The following ADH1C variants were observed in gnomAD, a reference collection of about 807,000 sequenced individuals.
ADH1C encodes alcohol dehydrogenase 1C.
In ADH1C, 26 loss-of-function variants were observed where a neutral mutation model predicts 35.0. That is an observed-to-expected ratio of 0.74 (90% CI 0.54 to 1.03). ADH1C has a LOEUF of 1.03. ADH1C is among the 50% of genes least tolerant of loss of function. ADH1C has a pLI of 0.00. For missense variants in ADH1C, 413 were observed against 465.4 expected (o/e 0.89, Z 1.04); for synonymous variants, 170 against 169.3 (o/e 1.00, Z -0.03).
chr4:99,346,222 T>A (rs1474492961), intron 3 of ADH1C, among the ~76,000 whole-genome samples: 1 of 152,168 alleles, frequency 6.6e-6, no homozygotes, highest in African/African-American at 2.4e-5. Context: ...GTGCATAACA[T>A]TTTATGGGTA....
intron 1 of ADH1C, among the ~76,000 whole-genome samples, chr4:99,348,140 T>C (rs1304626678): frequency 6.6e-6 from 1 of 152,168 alleles, no homozygotes; most frequent in Non-Finnish European, 1.5e-5. Context: ...GTTTTTTTAA[T>C]TATACTTTAA....
chr4:99,347,927 G>GGGACTCAATGTTGCATGTA, intron 1 of ADH1C, 81 bp from the exon 2 acceptor site: 1 of 1,491,854 alleles, frequency 6.7e-7, no homozygotes, highest in Non-Finnish European at 9.3e-7. Flanking sequence ...CTTTGTACAT[G>GGGACTCAATGTTGCATGTA]CAACATTGAG....
At chr4:99,346,271 T>C (rs1212273156) in intron 3 of ADH1C, among the ~76,000 whole-genome samples, 1 of 152,116 alleles carries the variant, frequency 6.6e-6, no homozygotes, top group Admixed American at 6.5e-5. Flanking sequence ...ATGTCCTAGT[T>C]ATTCATCCTT....
At position 99,343,021 on chromosome 4, in the gene ADH1C, A is replaced by G; in HGVS notation, c.602T>C (p.Leu201Pro). The change falls in exon 6 of 9, where the codon CTG becomes CCG. Residue 201 changes from leucine to proline, a missense_variant. Physicochemically the swap from Leu to Pro is moderately conservative, Grantham distance 98. Transcript: ENST00000515683. ...TPGSTCAVFG[L>P]GGVGLSVVMG... is the part of the protein sequence containing the mutation. ...AACAACAGATAGGCCGACCCCTCCCAGGCCAAACACAGCACAGGTAGACCC... is the reference window on the plus strand; with the variant it reads ...AACAACAGATAGGCCGACCCCTCCCGGGCCAAACACAGCACAGGTAGACCC... 2 of 1,614,218 alleles carry G rather than the reference A, an allele frequency of 1.2e-6. No homozygotes were observed. The highest frequency in any genetic ancestry group is 1.7e-6 in the Non-Finnish European group (2 of 1,180,040).
At position 99,342,924 on chromosome 4, in the gene ADH1C, A is replaced by G. The variant is rs75301428; in HGVS notation, c.699T>C (p.Ala233=). 1.7e-5 allele frequency: 27 copies of G among 1,614,018 alleles called. No homozygotes were observed. The highest frequency in any genetic ancestry group is 1.9e-5 in the Non-Finnish European group (22 of 1,180,036). Residue 233 remains alanine, a synonymous_variant, in exon 6 of 9, where the codon GCT becomes GCC. Transcript: ENST00000515683. ...TGCATTCAGTGGCACCCAACTCTTT[A>G]GCCTTTGCAAATTTGTCCTTGTTGA... ...VDINKDKFAK[A]KELGATECIN...
At chr4:99,339,532 T>G in intron 8 of ADH1C, 45 bp downstream of exon 8, 865 of 934,074 alleles carry the variant, frequency 9.3e-4, no homozygotes, top group Non-Finnish European at 1.2e-3. Context: ...CCCCCGCCGC[T>G]ACTGTAGAAT....
At chr4:99,352,632 T>C (rs758402280) in intron 1 of ADH1C, 26 bp downstream of exon 1, 8 of 1,572,476 alleles carry the variant, frequency 5.1e-6, no homozygotes, top group Non-Finnish European at 7.0e-6. Flanking sequence ...GAATATATTA[T>C]CAACAGTAAT....
Position 99,351,605 on chromosome 4 carries a change from GAAAGT to G in ADH1C, c.18+1048_18+1052del, listed in dbSNP as rs558316151. Among the ~76,000 whole-genome samples, 483 of 152,262 alleles carry G rather than the reference GAAAGT, an allele frequency of 3.2e-3. 3 individuals are homozygous for G. Among genetic ancestry groups the G allele is most frequent in the African/African-American group, 0.011 (453 of 41,556 alleles). ...ATGTAAATATTAATCAATAATGAAT[GAAAGT>G]AAAGTAAAGTGAAGTGGTGTAAGAA... is the stretch of plus-strand genomic sequence containing the variant. On this transcript the variant is annotated intron_variant, in intron 1 of 8. Transcript: ENST00000515683.
intron 5 of ADH1C, among the ~76,000 whole-genome samples, chr4:99,343,858 C>A (rs758085392): frequency 2.6e-5 from 4 of 152,164 alleles, no homozygotes; most frequent in Non-Finnish European, 5.9e-5. Context: ...TTTACTAAAC[C>A]TAGTCTCCCA....
Position 99,342,994 on chromosome 4 carries a change from A to T in ADH1C, c.629T>A (p.Met210Lys). Residue 210 changes from methionine (M) to lysine (K), a missense_variant, in exon 6 of 9, where the codon ATG becomes AAG. Transcript: ENST00000515683. ...GLGGVGLSVV[M>K]GCKAAGAARI... ...GGCTGCTCCAGCTGCTTTACAGCCC[A>T]TAACAACAGATAGGCCGACCCCTCC... The T allele has an allele frequency of 1.9e-6, 3 of 1,614,250 alleles. No homozygotes were observed. Among genetic ancestry groups the T allele is most frequent in the Non-Finnish European group, 2.5e-6 (3 of 1,180,038 alleles).
At chr4:99,352,524 A>G in intron 1 of ADH1C, 134 bp downstream of exon 1, 2 of 625,680 alleles carry the variant, frequency 3.2e-6, no homozygotes, top group Non-Finnish European at 5.1e-6. Context: ...TAATTTAGAT[A>G]TGAATTTTAA....
chr4:99,345,224 C>T lies in ADH1C; in HGVS notation c.302G>A (p.Cys101Tyr), dbSNP rs1444973940. The T allele has an allele frequency of 6.2e-7, 1 of 1,614,030 alleles. No homozygotes were observed. The highest frequency in any genetic ancestry group is 8.5e-7 in the Non-Finnish European group (1 of 1,179,924). Residue 101 changes from cysteine (C) to tyrosine (Y), a missense_variant, in exon 4 of 9, where the codon TGC (cysteine) becomes TAC (tyrosine). Physicochemically the swap from Cys to Tyr is radical, Grantham distance 194. Coordinates refer to ENST00000515683, the MANE Select transcript of ADH1C (RefSeq NM_000669.5). ...IPLFTPQCGK[C>Y]RICKNPESNY... is the part of the protein sequence containing the mutation. ...GCTTTCTGGGTTTTTACAAATTCTG[C>T]ATTTTCCACACTGAGGAGTAAAGAG...
At chr4:99,347,967 A>C in intron 1 of ADH1C, 121 bp from the exon 2 acceptor site, 1 of 1,109,332 alleles carries the variant, frequency 9.0e-7, no homozygotes, top group Non-Finnish European at 1.3e-6. Flanking sequence ...CAAGTGTTGC[A>C]TAGAAATGAA....
chr4:99,352,022 G>C (rs748038305), intron 1 of ADH1C, among the ~76,000 whole-genome samples: 26 of 152,132 alleles, frequency 1.7e-4, no homozygotes, highest in Non-Finnish European at 3.4e-4. Context: ...TGTTCCATAA[G>C]ATTTCTGTGG....
In ADH1C at chr4:99,336,563, A is replaced by T; in HGVS notation, c.*189T>A. ...ATGTTCAACACTTTATTTAGTTCTC[A>T]TTTGGATTTTAAACATTTGCTTGAC... On this transcript the variant is annotated 3_prime_UTR_variant, in exon 9 of 9. Coordinates refer to ENST00000515683, the MANE Select transcript of ADH1C (RefSeq NM_000669.5). The T allele has an allele frequency of 1.4e-6, 1 of 739,546 alleles. No individual in the cohort carries two copies. The highest frequency in any genetic ancestry group is 2.2e-6 in the Non-Finnish European group (1 of 447,398). The allele number at this position is 739,546 out of a possible 1,614,324, so 45.8% of individuals were successfully genotyped here.
rs1270827184 is a variant in ADH1C at position 99,343,060 on chromosome 4, G to GT, written c.568-6dup. The GT allele has an allele frequency of 1.2e-6, 2 of 1,605,916 alleles. No individual in the cohort carries two copies. The highest frequency in any genetic ancestry group is 2.7e-5 in the African/African-American group (2 of 74,466). On this transcript the variant is annotated splice_polypyrimidine_tract_variant and splice_region_variant and intron_variant, in intron 5 of 8. Coordinates refer to ENST00000515683, the MANE Select transcript of ADH1C (RefSeq NM_000669.5). ...ACAGGTAGACCCTGGGGTGACCTATGTTTTCAGAAAATGCAAAAATGAATT... is the reference window on the plus strand; with the variant it reads ...ACAGGTAGACCCTGGGGTGACCTATGTTTTTCAGAAAATGCAAAAATGAATT...
intron 6 of ADH1C, among the ~76,000 whole-genome samples, chr4:99,341,706 A>C (rs1734419426): frequency 6.6e-6 from 1 of 152,178 alleles, no homozygotes; most frequent in Admixed American, 6.5e-5. Context: ...CTTTTTCAGT[A>C]GGAGTCTAGA....
chr4:99,343,828 T>A lies in ADH1C; in HGVS notation c.568-773A>T, dbSNP rs1579530842. Among the ~76,000 whole-genome samples, 3 of 152,220 alleles carry A rather than the reference T, an allele frequency of 2.0e-5. No individual in the cohort carries two copies. The South Asian group carries it at 6.2e-4, about 31-fold the overall frequency. On this transcript the variant is annotated intron_variant, in intron 5 of 8. Transcript: ENST00000515683. ...TTTGGAAAAGATGTCCTCTAAATTG[T>A]GTAAATTGGCTAGCGGTTATTTACT... is the stretch of plus-strand genomic sequence containing the variant.
intron 1 of ADH1C, among the ~76,000 whole-genome samples, chr4:99,352,277 T>C (rs1271583039): frequency 6.6e-6 from 1 of 152,238 alleles, no homozygotes; most frequent in African/African-American, 2.4e-5. Flanking sequence ...TTTCTTAATA[T>C]AAAGATAGCT....
Sources: gnomAD v4.1 joint callset for allele counts (sites outside exome capture counted in the v4.1 genomes callset) on GRCh38, gnomAD v4.1.1 for gene constraint, MANE v1.5 for transcripts, NCBI Gene and HGNC (gene_info 2026-07-23, HGNC 2026-07-21) for gene names.